RAET1G: variants seen among roughly 807,000 people sequenced by gnomAD.
RAET1G encodes the protein UL-16 binding protein 5.
A neutral mutation model predicts 29.5 loss-of-function variants in RAET1G; 25 were observed. The ratio of observed to expected loss-of-function variants is 0.85; its 90% CI spans 0.62 to 1.18. The LOEUF (loss-of-function observed/expected upper bound fraction) is 1.18, where lower values mean the gene tolerates loss of function less well. Among genes scored for constraint, RAET1G ranks in the 50% most tolerant of loss-of-function variants. The probability of loss-of-function intolerance (pLI) is 0.00; values close to 1 mark genes in which losing one functional copy is unlikely to be tolerated. For missense variants in RAET1G, 434 were observed against 423.6 expected, an observed-to-expected ratio of 1.02 and a Z score of -0.22; for synonymous variants, 167 against 159.5, an observed-to-expected ratio of 1.05 and a Z score of -0.36.
rs201812692 is a variant in RAET1G at position 149,919,181 on chromosome 6, C to G, written c.493G>C (p.Ala165Pro). 5.2e-5 allele frequency: 84 copies of G among 1,614,220 alleles called. No homozygotes were observed. In the East Asian group the frequency reaches 1.5e-3, roughly 30 times the overall value. The change falls in exon 3 of 5, where the codon GCC becomes CCC. Residue 165 changes from alanine to proline, a missense_variant. By Grantham distance (27) the Ala-to-Pro change is conservative. Coordinates refer to ENST00000367360, the MANE Select transcript of RAET1G (RefSeq NM_001001788.4). Reference sequence around the variant, plus strand: ...TCCCACTTTTCTTTCATCTTTCTGGCTCCAGGATGAACCGTTGTCCACATT... The same window carrying G: ...TCCCACTTTTCTTTCATCTTTCTGGGTCCAGGATGAACCGTTGTCCACATT... ...NRMWTTVHPG[A>P]RKMKEKWEND... is the part of the protein sequence containing the mutation.
chr6:149,918,342 G>A lies in RAET1G; in HGVS notation c.674C>T (p.Thr225Met), dbSNP rs201424200. The A allele has an allele frequency of 3.3e-5, 54 of 1,613,954 alleles. No homozygotes were observed. The highest frequency in any genetic ancestry group is 5.0e-5 in the Admixed American group (3 of 59,998). The stretch of plus-strand genomic sequence containing the variant: ...GCAGCAAAGGATGAGGGTGGTGGCC[G>A]TGGCCCTGGGTTGGGCTGTGCCTGA... ...MSSGTAQPRATATTLILCCLL... is the reference protein window; with the variant it reads ...MSSGTAQPRAMATTLILCCLL... Residue 225 changes from threonine (T) to methionine (M), a missense_variant, in exon 4 of 5, where the codon ACG (threonine) becomes ATG (methionine). Thr to Met is a moderately conservative substitution (Grantham distance 81). Transcript: ENST00000367360.
chr6:149,919,051 C>G lies in RAET1G; in HGVS notation c.623G>C (p.Ser208Thr), dbSNP rs1778526035. Residue 208 changes from serine (S) to threonine (T), a missense_variant, in exon 3 of 5, where the codon AGT (serine) becomes ACT (threonine). Physicochemically the swap from Ser to Thr is moderately conservative, Grantham distance 58. Transcript: ENST00000367360. ...TCTTTTTCTCCTGTTACCTCCTGCA[C>G]TTGGCTCCAGGGTGCTGTCCATGCC... is the stretch of plus-strand genomic sequence containing the variant. ...LMGMDSTLEP[S>T]AGAPPTMSSG... is the part of the protein sequence containing the mutation. 5.0e-6 allele frequency: 8 copies of G among 1,613,838 alleles called. No individual in the cohort carries two copies. The African/African-American group carries it at 8.0e-5, about 16-fold the overall frequency.
At position 149,916,984 on chromosome 6, in the gene RAET1G, G is replaced by A. The variant is rs1319233468; in HGVS notation, c.933C>T (p.Cys311=). The change falls in exon 5 of 5, where the codon TGC becomes TGT. Residue 311 remains cysteine (C), a synonymous_variant. Coordinates refer to ENST00000367360, the MANE Select transcript of RAET1G (RefSeq NM_001001788.4). ...TATTTATTGTATACAAGGCAAGAGG[G>A]CAGGGTAAGGAGTGTGAGTCGTCTC... ...IIGDDSHSLP[C]PLALYTINNG... The A allele has an allele frequency of 3.2e-5, 50 of 1,550,382 alleles. No homozygotes were observed. The highest frequency in any genetic ancestry group is 4.2e-5 in the Non-Finnish European group (48 of 1,146,368).
intron 4 of RAET1G, among the ~76,000 whole-genome samples, chr6:149,917,629 C>A (rs986492977): frequency 6.6e-6 from 1 of 152,310 alleles, no homozygotes; most frequent in East Asian, 1.9e-4. Flanking sequence ...CTGTATTCTA[C>A]GTCTAATACA....
rs1778549246 is a variant in RAET1G, at chr6:149,919,672, A to G, written c.230T>C (p.Leu77Pro). The G allele has an allele frequency of 6.2e-7, 1 of 1,613,848 alleles. No homozygotes were observed. The highest frequency in any genetic ancestry group is 1.1e-5 in the South Asian group (1 of 91,080). ...GSKTVTPVSP[L>P]GKKLNVTTAW... ...CGTTGTGACATTTAGTTTCTTCCCC[A>G]GGGGACTGACGGGTGTGACTGTCTT... is the stretch of plus-strand genomic sequence containing the variant. The change falls in exon 2 of 5, where the codon CTG becomes CCG. Residue 77 changes from leucine (L) to proline (P), a missense_variant. Leu to Pro is a moderately conservative substitution (Grantham distance 98, BLOSUM62 -3). Coordinates refer to ENST00000367360, the MANE Select transcript of RAET1G (RefSeq NM_001001788.4).
intron 1 of RAET1G, among the ~76,000 whole-genome samples, chr6:149,922,596 G>C (rs778397421): frequency 7.2e-5 from 11 of 152,116 alleles, no homozygotes; most frequent in African/African-American, 1.7e-4. Flanking sequence ...CTCGGATTCT[G>C]GGGGCTCTGG....
intron 4 of RAET1G, 75 bp downstream of exon 4, chr6:149,918,099 T>C: frequency 3.0e-6 from 4 of 1,311,754 alleles, no homozygotes; most frequent in South Asian, 2.6e-5. Context: ...GGAGTGGGAC[T>C]CTGGGAATTC....
Position 149,919,188 on chromosome 6 carries a change from A to G in RAET1G, c.486T>C (p.His162=), listed in dbSNP as rs201256027. The part of the protein sequence containing the change: ...DSENRMWTTV[H]PGARKMKEKW... ...TTTCTTTCATCTTTCTGGCTCCAGG[A>G]TGAACCGTTGTCCACATTCTGTTTT... Residue 162 remains histidine (H), a synonymous_variant, in exon 3 of 5, where the codon CAT becomes CAC. Coordinates refer to ENST00000367360, the MANE Select transcript of RAET1G (RefSeq NM_001001788.4). 4.0e-4 allele frequency: 638 copies of G among 1,614,136 alleles called. No individual in the cohort carries two copies. Among genetic ancestry groups the G allele is most frequent in the Non-Finnish European group, 5.1e-4 (597 of 1,180,032 alleles).
rs766367536 is a variant in RAET1G, at chr6:149,919,091, C to T, written c.583G>A (p.Glu195Lys). Residue 195 changes from glutamate to lysine, a missense_variant, in exon 3 of 5, where the codon GAG (glutamate) becomes AAG (lysine). Glu to Lys is a moderately conservative substitution (Grantham distance 56). Transcript: ENST00000367360. ...ISMGDCTGWL[E>K]DFLMGMDSTL... ...CTGTCCATGCCCATCAAGAAGTCCT[C>T]AAGCCATCCTGTGCAGTCTCCCATT... is the stretch of plus-strand genomic sequence containing the variant. The T allele has an allele frequency of 6.2e-7, 1 of 1,614,074 alleles. No homozygotes were observed. Among genetic ancestry groups the T allele is most frequent in the East Asian group, 2.2e-5 (1 of 44,892 alleles).
chr6:149,918,797 T>C (rs1318721811), intron 3 of RAET1G: 2 of 631,884 alleles, frequency 3.2e-6, no homozygotes, highest in African/African-American at 3.7e-5. Flanking sequence ...GTTTCGAGGC[T>C]GGTGAGAAAT....
At chr6:149,918,713 C>T in intron 3 of RAET1G, 1 of 591,434 alleles carries the variant, frequency 1.7e-6, no homozygotes, top group South Asian at 2.2e-5. Flanking sequence ...CAGAAACAGA[C>T]CAGAGGAGGA....
intron 1 of RAET1G, 84 bp from the exon 2 acceptor site, chr6:149,919,900 G>A (rs1778558374): frequency 2.5e-6 from 4 of 1,610,486 alleles, no homozygotes; most frequent in Non-Finnish European, 3.4e-6. Context: ...ATAAGAGGAA[G>A]CCTCTGGAGG....
At chr6:149,921,615 C>T (rs550175172) in intron 1 of RAET1G, among the ~76,000 whole-genome samples, 1 of 152,298 alleles carries the variant, frequency 6.6e-6, no homozygotes, top group Non-Finnish European at 1.5e-5. Context: ...GGCTGCACCC[C>T]CTTACCCTCA....
chr6:149,919,926 C>A, intron 1 of RAET1G, 110 bp from the exon 2 acceptor site: 1 of 1,600,332 alleles, frequency 6.2e-7, no homozygotes, highest in Non-Finnish European at 8.5e-7. Context: ...GCTGGCCCAG[C>A]AAGGAGTGCC....
intron 1 of RAET1G, among the ~76,000 whole-genome samples, chr6:149,920,672 G>T (rs936947120): frequency 3.9e-5 from 6 of 152,166 alleles, no homozygotes; most frequent in African/African-American, 1.4e-4. Context: ...CGAAATAACA[G>T]ATTCCAGGTG....
intron 3 of RAET1G, chr6:149,918,590 G>A: frequency 1.5e-6 from 1 of 659,354 alleles, no homozygotes; most frequent in Non-Finnish European, 2.6e-6. Context: ...GCTGAGGGAA[G>A]CAAGGTGACA....
chr6:149,921,261 G>A (rs1778594102), intron 1 of RAET1G, among the ~76,000 whole-genome samples: 1 of 152,222 alleles, frequency 6.6e-6, no homozygotes, highest in Non-Finnish European at 1.5e-5. Flanking sequence ...GATCCTAGAG[G>A]TGCATGTGGT....
chr6:149,920,878 C>A (rs1251275389), intron 1 of RAET1G, among the ~76,000 whole-genome samples: 1 of 152,156 alleles, frequency 6.6e-6, no homozygotes, highest in African/African-American at 2.4e-5. Flanking sequence ...AGAGATAAAA[C>A]AAATGATGGA....
At chr6:149,918,065 A>G in intron 4 of RAET1G, 109 bp downstream of exon 4, 2 of 953,942 alleles carry the variant, frequency 2.1e-6, no homozygotes, top group South Asian at 3.2e-5. Context: ...GTCTCATGTT[A>G]GGATGAGAAG....
Sources: allele counts gnomAD v4.1 joint callset (sites outside exome capture counted in the v4.1 genomes callset), GRCh38; gene constraint gnomAD v4.1.1; transcripts MANE v1.5; gene names NCBI Gene and HGNC (gene_info 2026-07-23, HGNC 2026-07-21).